The following CHL1 variants were observed in gnomAD, a reference collection of about 807,000 sequenced individuals.
CHL1 encodes the protein neural cell adhesion molecule L1-like protein.
CHL1 carries 96 observed loss-of-function variants against 141.9 expected under a neutral mutation model. The observed-to-expected ratio is 0.68, with a 90% CI of 0.57 to 0.80. CHL1 has a LOEUF of 0.80. Ranked by LOEUF, CHL1 falls within the 30% of genes least tolerant of loss-of-function variation. The pLI is 0.00. For missense variants in CHL1, 1,820 were observed against 1,457.2 expected, an observed-to-expected ratio of 1.25 and a Z score of -4.05; for synonymous variants, 613 against 502.2, an observed-to-expected ratio of 1.22 and a Z score of -2.95.
At chr3:248,423 T>C (rs2125126925) in intron 2 of CHL1, 1 of 152,084 alleles carries the variant, frequency 6.6e-6, no homozygotes, top group East Asian at 1.9e-4. Flanking sequence ...TCTGTGATCA[T>C]TTTGTAGGTT....
At chr3:242,365 G>T (rs575705886) in intron 1 of CHL1, among the ~76,000 whole-genome samples, 8 of 145,722 alleles carry the variant, frequency 5.5e-5, no homozygotes, top group Non-Finnish European at 1.1e-4. Context: ...GGGAGGCTGA[G>T]GGGGGCAGAT....
intron 2 of CHL1, among the ~76,000 whole-genome samples, chr3:289,640 A>G (rs892430623): frequency 3.3e-5 from 5 of 152,104 alleles, no homozygotes; most frequent in Admixed American, 2.0e-4. Context: ...ATCTTATTTT[A>G]TATGTATTTC....
intron 1 of CHL1, among the ~76,000 whole-genome samples, chr3:207,100 T>G (rs1361653472): frequency 6.6e-6 from 1 of 152,220 alleles, no homozygotes; most frequent in African/African-American, 2.4e-5. Flanking sequence ...GCAACTCTAT[T>G]TCAGGCACAG....
chr3:264,525 G>T (rs1024065390), intron 2 of CHL1, among the ~76,000 whole-genome samples: 4 of 152,180 alleles, frequency 2.6e-5, no homozygotes, highest in Non-Finnish European at 5.9e-5. Context: ...CCCCTGGTCT[G>T]TATCATTTAT....
Position 394,377 on chromosome 3 carries a change from C to T in CHL1, c.2915-316C>T, listed in dbSNP as rs112079290. Among the ~76,000 whole-genome samples the T allele has an allele frequency of 7.2e-3, 1,096 of 152,150 alleles. 12 individuals are homozygous for T. Among genetic ancestry groups the T allele is most frequent in the African/African-American group, 0.025 (1,038 of 41,518 alleles). ...ATTAATGCGTATTATGAAGCTGGAGCAGCTGGCTCCAATATAGCACAGGGA... is the reference window on the plus strand; with the variant it reads ...ATTAATGCGTATTATGAAGCTGGAGTAGCTGGCTCCAATATAGCACAGGGA... On this transcript the variant is annotated intron_variant, in intron 23 of 27. Coordinates refer to ENST00000256509, the MANE Select transcript of CHL1 (RefSeq NM_006614.4).
At chr3:396,098 T>A (rs1393484204) in intron 24 of CHL1, among the ~76,000 whole-genome samples, 1 of 152,200 alleles carries the variant, frequency 6.6e-6, no homozygotes, top group Non-Finnish European at 1.5e-5. Flanking sequence ...GAAAATTGTA[T>A]AATCCAAATA....
At chr3:366,504 C>G (rs1040301818) in intron 15 of CHL1, among the ~76,000 whole-genome samples, 1 of 151,454 alleles carries the variant, frequency 6.6e-6, no homozygotes, top group Admixed American at 6.6e-5. Context: ...AGCATTCATA[C>G]AGAAACAAAA....
intron 1 of CHL1, among the ~76,000 whole-genome samples, chr3:210,873 C>T (rs981615591): frequency 6.6e-6 from 1 of 152,144 alleles, no homozygotes; most frequent in African/African-American, 2.4e-5. Flanking sequence ...TGAGAGTGAA[C>T]TTTGGCAAGG....
chr3:331,645 G>C (rs2125094742), intron 5 of CHL1, among the ~76,000 whole-genome samples: 1 of 152,072 alleles, frequency 6.6e-6, no homozygotes, highest in African/African-American at 2.4e-5. Flanking sequence ...AAGACTCTAG[G>C]AAGAAAGTAC....
intron 2 of CHL1, among the ~76,000 whole-genome samples, chr3:315,883 G>A (rs1700118818): frequency 6.6e-6 from 1 of 151,982 alleles, no homozygotes; most frequent in African/African-American, 2.4e-5. Context: ...GAGAAAGAAA[G>A]ATAAAGGAAA....
intron 10 of CHL1, among the ~76,000 whole-genome samples, chr3:350,427 G>A (rs566388469): frequency 3.9e-5 from 6 of 152,260 alleles, no homozygotes; most frequent in African/African-American, 1.4e-4. Context: ...ATGGAATGAT[G>A]ACTGCATTTG....
At chr3:240,673 C>T (rs1468170947) in intron 1 of CHL1, among the ~76,000 whole-genome samples, 1 of 152,156 alleles carries the variant, frequency 6.6e-6, no homozygotes, top group East Asian at 1.9e-4. Context: ...TTTGCCTAAG[C>T]CAATGTCTAG....
At chr3:306,045 C>A (rs963744791) in intron 2 of CHL1, among the ~76,000 whole-genome samples, 1 of 152,022 alleles carries the variant, frequency 6.6e-6, no homozygotes, top group Non-Finnish European at 1.5e-5. Context: ...GTAATCAGTT[C>A]AAAAATGACA....
intron 2 of CHL1, among the ~76,000 whole-genome samples, chr3:317,186 A>G (rs545647623): frequency 6.6e-6 from 1 of 152,176 alleles, no homozygotes; most frequent in African/African-American, 2.4e-5. Flanking sequence ...CATTATTCAT[A>G]TTCTGAAAAG....
At chr3:356,589 G>T (rs1403892483) in intron 11 of CHL1, among the ~76,000 whole-genome samples, 1 of 152,168 alleles carries the variant, frequency 6.6e-6, no homozygotes, top group African/African-American at 2.4e-5. Context: ...AGAGGTTCAG[G>T]ACCCAGAGTT....
intron 13 of CHL1, 133 bp from the exon 14 acceptor site, chr3:363,084 C>T: frequency 1.5e-6 from 1 of 666,758 alleles, no homozygotes; most frequent in Non-Finnish European, 2.5e-6. Flanking sequence ...AAATATGAAA[C>T]CCACTGGAAC....
intron 2 of CHL1, among the ~76,000 whole-genome samples, chr3:257,351 TTC>T (rs1491536629): frequency 6.8e-6 from 1 of 146,484 alleles, no homozygotes. Context: ...TCTTTTCTTC[TTC>T]TTTTTTTTTT....
Position 382,299 on chromosome 3 carries a change from A to T in CHL1, c.1978+19A>T. 1.9e-6 allele frequency: 3 copies of T among 1,602,314 alleles called. No homozygotes were observed. The highest frequency in any genetic ancestry group is 2.6e-6 in the Non-Finnish European group (3 of 1,169,806). ...ATTAGCGGTAGGAAGACTTGGGATAACTGTTTTCATTACTCTAGATAGTCA... is the reference window on the plus strand; with the variant it reads ...ATTAGCGGTAGGAAGACTTGGGATATCTGTTTTCATTACTCTAGATAGTCA... On this transcript the variant is annotated intron_variant, in intron 17 of 27. Transcript: ENST00000256509.
chr3:204,077 C>T (rs890291536), intron 1 of CHL1, among the ~76,000 whole-genome samples: 3 of 152,304 alleles, frequency 2.0e-5, no homozygotes, highest in Admixed American at 6.5e-5. Flanking sequence ...TGGGCATGCT[C>T]ATATTCAGTG....
Sources: allele counts gnomAD v4.1 joint callset (sites outside exome capture counted in the v4.1 genomes callset), GRCh38; gene constraint gnomAD v4.1.1; transcripts MANE v1.5; gene names NCBI Gene and HGNC (gene_info 2026-07-23, HGNC 2026-07-21).